MOV10L1: variants seen among roughly 807,000 people sequenced by gnomAD.
MOV10L1 encodes the protein Mov10 like RNA helicase 1.
A neutral mutation model predicts 143.8 loss-of-function variants in MOV10L1; 110 were observed. The observed-to-expected ratio is 0.76, with a 90% CI of 0.66 to 0.90. The LOEUF is 0.90. Ranked by LOEUF, MOV10L1 falls within the 40% of genes least tolerant of loss-of-function variation. The pLI, the probability that MOV10L1 is intolerant of heterozygous loss-of-function variation, is 0.00. For missense variants in MOV10L1, 1,406 were observed against 1,526.8 expected (o/e 0.92, Z 1.32); for synonymous variants, 593 against 581.1 (o/e 1.02, Z -0.29).
Position 50,091,987 on chromosome 22 carries a change from T to A in MOV10L1, c.98-14T>A, listed in dbSNP as rs1174552850. ...TTTTATGGCCAAGATAACTTCTTTGTTTACCTACCTCAGGTGACACTAAGC... is the reference window on the plus strand; with the variant it reads ...TTTTATGGCCAAGATAACTTCTTTGATTACCTACCTCAGGTGACACTAAGC... On this transcript the variant is annotated splice_polypyrimidine_tract_variant and intron_variant, in intron 1 of 26. Transcript: ENST00000262794. The A allele has an allele frequency of 1.9e-6, 3 of 1,608,266 alleles. No individual in the cohort carries two copies. In the African/African-American group the frequency reaches 4.0e-5, roughly 21 times the overall value.
intron 13 of MOV10L1, among the ~76,000 whole-genome samples, chr22:50,132,548 T>A (rs998928338): frequency 1.2e-4 from 19 of 152,264 alleles, no homozygotes; most frequent in African/African-American, 4.6e-4. Context: ...TATACCTATT[T>A]AAAATTTTTA....
chr22:50,150,833 G>T lies in MOV10L1; in HGVS notation c.2826G>T (p.Met942Ile). 2 of 1,614,228 alleles carry T rather than the reference G, an allele frequency of 1.2e-6. No homozygotes were observed. The highest frequency in any genetic ancestry group is 1.7e-6 in the Non-Finnish European group (2 of 1,180,042). ...GLNVSFLERL[M>I]SRPAYQRDEN... is the part of the protein sequence containing the mutation. ...ACGTGTCCTTTTTGGAACGGCTGATGTCTCGACCCGCGTACCAGAGGGACG... is the reference window on the plus strand; with the variant it reads ...ACGTGTCCTTTTTGGAACGGCTGATTTCTCGACCCGCGTACCAGAGGGACG... The change falls in exon 21 of 27, where the codon ATG becomes ATT. Residue 942 changes from methionine to isoleucine, a missense_variant. Physicochemically the swap from Met to Ile is conservative, Grantham distance 10. This residue lies in a region of MOV10L1 where 1,233 missense variants were observed against 1,351.4 expected (regional missense o/e 0.91). Transcript: ENST00000262794.
At chr22:50,144,832 C>T (rs4838850) in intron 18 of MOV10L1, among the ~76,000 whole-genome samples, 60,175 of 151,680 alleles carry the variant, frequency 0.4, 12,236 homozygotes, top group East Asian at 0.56. Context: ...CTGCCCGCCT[C>T]GGCCTCCCAA....
At chr22:50,130,982 T>C (rs1283678954) in intron 13 of MOV10L1, among the ~76,000 whole-genome samples, 1 of 152,144 alleles carries the variant, frequency 6.6e-6, no homozygotes, top group East Asian at 1.9e-4. Context: ...CTGCAAGCTC[T>C]GCCTTCCAGG....
intron 15 of MOV10L1, among the ~76,000 whole-genome samples, chr22:50,140,944 T>C (rs781428298): frequency 1.3e-5 from 2 of 152,206 alleles, no homozygotes; most frequent in Non-Finnish European, 2.9e-5. Context: ...AATGAAGTTA[T>C]TTAACAAAGA....
At chr22:50,110,701 C>T (rs975304031) in intron 5 of MOV10L1, among the ~76,000 whole-genome samples, 12 of 152,138 alleles carry the variant, frequency 7.9e-5, no homozygotes, top group African/African-American at 2.4e-4. Flanking sequence ...GAGGCCAAGG[C>T]GGGCGGATTG....
intron 15 of MOV10L1, among the ~76,000 whole-genome samples, chr22:50,135,532 C>T (rs542203529): frequency 2.0e-5 from 3 of 151,904 alleles, no homozygotes; most frequent in South Asian, 2.1e-4. Context: ...GCGGGCAGAT[C>T]ATGAGATCAG....
In MOV10L1 at chr22:50,159,782, G is replaced by A. The variant is rs2063509374; in HGVS notation, c.3321G>A (p.Ser1107=). The A allele has an allele frequency of 6.2e-6, 10 of 1,603,472 alleles. No individual in the cohort carries two copies. Among genetic ancestry groups the A allele is most frequent in the South Asian group, 3.3e-5 (3 of 90,610 alleles). ...AAGAGTATCTGGTCATCATCATTTC[G>A]ACCGTAGGTATCCCTGTTCTCCGTG... ...QGQEYLVIII[S]TVRSNEDRFE... The change falls in exon 24 of 27, where the codon TCG becomes TCA. Residue 1107 remains serine, a synonymous_variant. Transcript: ENST00000262794. This position sits in a 1 kb window ranked among gnomAD's most constrained non-coding sequence, Gnocchi z 4.1.
chr22:50,105,799 G>A (rs1294068427), intron 3 of MOV10L1, among the ~76,000 whole-genome samples: 1 of 152,212 alleles, frequency 6.6e-6, no homozygotes, highest in African/African-American at 2.4e-5. Flanking sequence ...AGGGCTGCCA[G>A]CCCCCAGTGT....
In MOV10L1 at chr22:50,161,385, C is replaced by T; in HGVS notation, c.3572C>T (p.Ala1191Val). The T allele has an allele frequency of 6.3e-7, 1 of 1,599,484 alleles. No individual in the cohort carries two copies. Among genetic ancestry groups the T allele is most frequent in the Non-Finnish European group, 8.5e-7 (1 of 1,173,328 alleles). The stretch of plus-strand genomic sequence containing the variant: ...GTCTACAGCTGTGGCGAGGGGGTGG[C>T]AGACCCCTCCTACCCAGTGGTGCCA... ...QSLQNCGEGV[A>V]DPSYPVVPES... Residue 1191 changes from alanine (A) to valine (V), a missense_variant, in exon 27 of 27, where the codon GCA becomes GTA. This residue lies in a region of MOV10L1 where 1,233 missense variants were observed against 1,351.4 expected (regional missense o/e 0.91). Transcript: ENST00000262794.
At chr22:50,099,212 G>C (rs1429599439) in intron 2 of MOV10L1, among the ~76,000 whole-genome samples, 1 of 152,184 alleles carries the variant, frequency 6.6e-6, no homozygotes, top group East Asian at 1.9e-4. Context: ...CAAGGGCAGA[G>C]CCCTTATGAA....
chr22:50,139,419 C>T (rs1166139875), intron 15 of MOV10L1, among the ~76,000 whole-genome samples: 1 of 151,832 alleles, frequency 6.6e-6, no homozygotes, highest in Admixed American at 6.6e-5. Context: ...GCTGAAAAGA[C>T]ATTGTTAGAC....
chr22:50,093,958 A>G (rs540005905), intron 2 of MOV10L1: 7 of 152,242 alleles, frequency 4.6e-5, no homozygotes, highest in Non-Finnish European at 8.8e-5. Context: ...TTCCTTAATC[A>G]TGTATCAGAA....
At chr22:50,160,489 G>A (rs1050040736) in intron 24 of MOV10L1, among the ~76,000 whole-genome samples, 199 bp from the exon 25 acceptor site, 3 of 151,658 alleles carry the variant, frequency 2.0e-5, no homozygotes, top group Non-Finnish European at 4.4e-5. Flanking sequence ...TCCTGACCTC[G>A]TGATCCTCCC....
chr22:50,149,908 A>G (rs1344751762), intron 20 of MOV10L1, among the ~76,000 whole-genome samples, 194 bp downstream of exon 20: 1 of 152,168 alleles, frequency 6.6e-6, no homozygotes, highest in African/African-American at 2.4e-5. Flanking sequence ...GTCTTGACTC[A>G]TTTACTTGTA....
At chr22:50,153,492 C>T (rs2063349931) in intron 22 of MOV10L1, among the ~76,000 whole-genome samples, 1 of 152,232 alleles carries the variant, frequency 6.6e-6, no homozygotes, top group Non-Finnish European at 1.5e-5. Context: ...AGAAGCGAAG[C>T]TGCCCAGTGA....
chr22:50,158,225 C>A lies in MOV10L1; in HGVS notation c.3216+19C>A, dbSNP rs564081052. 11 of 1,613,694 alleles carry A rather than the reference C, an allele frequency of 6.8e-6. No individual in the cohort carries two copies. The highest frequency in any genetic ancestry group is 9.3e-6 in the Non-Finnish European group (11 of 1,179,938). ...GAAGCAGGTACGCCCTGCCCAGGCA[C>A]GCCTGGTTCTGTGAGGTCCCTGCAG... On this transcript the variant is annotated intron_variant, in intron 23 of 26. Transcript: ENST00000262794. This position sits in a 1 kb window ranked among gnomAD's most constrained non-coding sequence, Gnocchi z 5.0.
At chr22:50,154,940 G>T (rs988473804) in intron 22 of MOV10L1, among the ~76,000 whole-genome samples, 1 of 152,092 alleles carries the variant, frequency 6.6e-6, no homozygotes, top group Non-Finnish European at 1.5e-5. Context: ...GGAGCAGCTA[G>T]GTTTTTATAT....
chr22:50,090,414 C>T (rs1000690600), intron 1 of MOV10L1: 12 of 1,579,968 alleles, frequency 7.6e-6, no homozygotes, highest in East Asian at 2.3e-5. Flanking sequence ...CCGGTGACAC[C>T]AGCCCCTCTT....
Sources: allele counts gnomAD v4.1 joint callset (sites outside exome capture counted in the v4.1 genomes callset), GRCh38; gene constraint gnomAD v4.1.1; regional missense constraint gnomAD v4.1.1; non-coding constraint Gnocchi (gnomAD v3.1); transcripts MANE v1.5; gene names NCBI Gene and HGNC (gene_info 2026-07-23, HGNC 2026-07-21).